MMP26: variants seen among roughly 807,000 people sequenced by gnomAD.
MMP26 encodes the protein matrix metallopeptidase 26, also known as matrix metalloproteinase-26.
MMP26 carries 33 observed loss-of-function variants against 31.0 expected under a neutral mutation model. The observed-to-expected ratio is 1.06, with a 90% CI of 0.81 to 1.42. MMP26 has a LOEUF of 1.42. Among genes scored for constraint, MMP26 ranks in the 40% most tolerant of loss-of-function variants. The pLI, the probability that MMP26 is intolerant of heterozygous loss-of-function variation, is 0.00. For synonymous variants in MMP26, 122 were observed against 114.9 expected (o/e 1.06, Z -0.40); for missense variants, 347 against 316.1 (o/e 1.10, Z -0.74).
intron 1 of MMP26, among the ~76,000 whole-genome samples, chr11:4,759,507 T>C (rs1473537084): frequency 2.6e-5 from 4 of 152,182 alleles, no homozygotes; most frequent in African/African-American, 9.7e-5. Flanking sequence ...ATAATAAATA[T>C]TGAGTGCCTA....
At chr11:4,784,538 G>A (rs563772815) in intron 2 of MMP26, among the ~76,000 whole-genome samples, 1 of 152,314 alleles carries the variant, frequency 6.6e-6, no homozygotes, top group African/African-American at 2.4e-5. Flanking sequence ...AGACAGAAAA[G>A]GAGAAGGCCA....
chr11:4,783,271 A>G (rs898357983), intron 2 of MMP26, among the ~76,000 whole-genome samples: 1 of 152,232 alleles, frequency 6.6e-6, no homozygotes, highest in Non-Finnish European at 1.5e-5. Flanking sequence ...CACCTCTTGC[A>G]TCAGTGTGAC....
intron 2 of MMP26, chr11:4,915,504 T>C (rs2133574863): frequency 6.2e-7 from 1 of 1,614,104 alleles, no homozygotes; most frequent in Middle Eastern, 1.7e-4. Flanking sequence ...TCTGTTTTAA[T>C]GATAAAAAGA....
chr11:4,900,687 A>G (rs1589933227), intron 2 of MMP26, among the ~76,000 whole-genome samples: 1 of 152,278 alleles, frequency 6.6e-6, no homozygotes, highest in East Asian at 1.9e-4. Context: ...GATCTTTTAT[A>G]TAAAGATCTT....
chr11:4,762,225 T>C (rs929432339), intron 1 of MMP26, among the ~76,000 whole-genome samples: 4 of 152,154 alleles, frequency 2.6e-5, no homozygotes, highest in African/African-American at 4.8e-5. Flanking sequence ...TTTCATAGTA[T>C]AGAAAAGAGA....
At chr11:4,893,516 T>G (rs1850658387) in intron 2 of MMP26, among the ~76,000 whole-genome samples, 1 of 152,152 alleles carries the variant, frequency 6.6e-6, no homozygotes, top group East Asian at 1.9e-4. Flanking sequence ...TCAAAAGTCA[T>G]GTCCTCAGAA....
intron 2 of MMP26, chr11:4,882,033 G>C: frequency 6.2e-7 from 1 of 1,613,794 alleles, no homozygotes; most frequent in South Asian, 1.1e-5. Context: ...TTGGGAAACA[G>C]TATGATCTTT....
At chr11:4,991,152 G>C (rs1846995241) in intron 5 of MMP26, among the ~76,000 whole-genome samples, 1 of 152,138 alleles carries the variant, frequency 6.6e-6, no homozygotes, top group Non-Finnish European at 1.5e-5. Context: ...TTTACTCAGT[G>C]TCTGCCATCT....
rs1447391407 is a variant in MMP26 at position 4,846,531 on chromosome 11, C to G, written c.-145+79190C>G. 1.3e-5 allele frequency among the ~76,000 whole-genome samples: 2 copies of G among 152,012 alleles called. 1 individual carries two copies. Among genetic ancestry groups the G allele is most frequent in the South Asian group, 4.2e-4 (2 of 4,816 alleles). On this transcript the variant is annotated intron_variant, in intron 2 of 7. Coordinates refer to ENST00000380390, the MANE Select transcript of MMP26 (RefSeq NM_021801.5). ...TCTAGTCAATAATAACTTAATCACA[C>G]GTTTTAAGATATCTAAAGGAATGTA...
intron 1 of MMP26, among the ~76,000 whole-genome samples, chr11:4,721,233 A>G (rs1213236517): frequency 6.6e-6 from 1 of 152,208 alleles, no homozygotes; most frequent in Non-Finnish European, 1.5e-5. Flanking sequence ...CAATATGGTC[A>G]TGATAGGGGT....
chr11:4,767,895 T>C (rs950596697), intron 2 of MMP26, among the ~76,000 whole-genome samples: 4 of 152,208 alleles, frequency 2.6e-5, no homozygotes, highest in Admixed American at 6.5e-5. Context: ...TTATATGCAA[T>C]TGACATTTTT....
chr11:4,827,587 T>G (rs1030881417), intron 2 of MMP26, among the ~76,000 whole-genome samples: 1 of 151,968 alleles, frequency 6.6e-6, no homozygotes. Flanking sequence ...ATATTTATTA[T>G]TTCTAAGTTT....
chr11:4,743,110 CTA>C (rs1262199659), intron 1 of MMP26, among the ~76,000 whole-genome samples: 1 of 151,982 alleles, frequency 6.6e-6, no homozygotes, highest in East Asian at 1.9e-4. Flanking sequence ...AAAAAATAAA[CTA>C]TAGTGTTACA....
At chr11:4,800,102 G>A (rs1037373416) in intron 2 of MMP26, among the ~76,000 whole-genome samples, 6 of 152,172 alleles carry the variant, frequency 3.9e-5, no homozygotes, top group East Asian at 1.9e-4. Context: ...CCTTCCACAG[G>A]TCCACTAGTC....
intron 1 of MMP26, among the ~76,000 whole-genome samples, chr11:4,717,646 T>C (rs1847952728): frequency 7.2e-6 from 1 of 138,758 alleles, no homozygotes; most frequent in Admixed American, 7.5e-5. Context: ...TTCTCTTTAA[T>C]GATAATAACT....
intron 1 of MMP26, among the ~76,000 whole-genome samples, chr11:4,727,537 C>T (rs1434638467): frequency 2.0e-5 from 3 of 152,036 alleles, no homozygotes; most frequent in African/African-American, 4.8e-5. Context: ...TGGCTGGGCA[C>T]GGTGGCTCAT....
chr11:4,773,855 G>T (rs1369707708), intron 2 of MMP26, among the ~76,000 whole-genome samples: 2 of 151,996 alleles, frequency 1.3e-5, no homozygotes, highest in African/African-American at 2.4e-5. Flanking sequence ...TGATCTCATT[G>T]TTCAGCTCCC....
chr11:4,840,056 T>C (rs1052790192), intron 2 of MMP26, among the ~76,000 whole-genome samples: 2 of 152,114 alleles, frequency 1.3e-5, no homozygotes, highest in African/African-American at 4.8e-5. Flanking sequence ...TCATGGCCAG[T>C]AGTGGCAGGT....
At position 4,835,203 on chromosome 11, in the gene MMP26, GAC is replaced by G. The variant is rs3064937; in HGVS notation, c.-145+67892_-145+67893del. 1.7e-3 allele frequency among the ~76,000 whole-genome samples: 242 copies of G among 143,070 alleles called. 1 individual carries two copies. Among genetic ancestry groups the G allele is most frequent in the East Asian group, 8.9e-3 (43 of 4,822 alleles). The allele number at this position is 143,070 out of a possible 152,430, so 93.9% of individuals were successfully genotyped here. On this transcript the variant is annotated intron_variant, in intron 2 of 7. Transcript: ENST00000380390. Reference sequence around the variant, plus strand: ...TCTCTCTCTCTTCCTCTCTCTTTCTGACACACACACACACACACACACACACA... The same window carrying G: ...TCTCTCTCTCTTCCTCTCTCTTTCTGACACACACACACACACACACACACA...
Sources: gnomAD v4.1 joint callset for allele counts (sites outside exome capture counted in the v4.1 genomes callset) on GRCh38, gnomAD v4.1.1 for gene constraint, MANE v1.5 for transcripts, NCBI Gene and HGNC (gene_info 2026-07-23, HGNC 2026-07-21) for gene names.